Variants in ANKRD29 observed in about 807,000 individuals in gnomAD.
ANKRD29 encodes ankyrin repeat domain-containing protein 29.
Under a neutral mutation model 38.0 loss-of-function variants are expected in ANKRD29, and 32 were observed. That is an observed-to-expected ratio of 0.84 (90% CI 0.64 to 1.13). ANKRD29 has a LOEUF of 1.13. Ranked by LOEUF, ANKRD29 falls within the 50% of genes most tolerant of loss-of-function variation. The pLI, the probability that ANKRD29 is intolerant of heterozygous loss-of-function variation, is 0.00. For missense variants in ANKRD29, 357 were observed against 377.9 expected (o/e 0.94, Z 0.46); for synonymous variants, 135 against 152.4 (o/e 0.89, Z 0.84).
chr18:23,638,359 T>C (rs969057282), intron 4 of ANKRD29, among the ~76,000 whole-genome samples: 1 of 152,272 alleles, frequency 6.6e-6, no homozygotes, highest in Middle Eastern at 3.4e-3. Context: ...ACTGTAGCTA[T>C]GTATTATGTA....
At chr18:23,638,286 C>G (rs1400064978) in intron 4 of ANKRD29, among the ~76,000 whole-genome samples, 2 of 152,136 alleles carry the variant, frequency 1.3e-5, no homozygotes, top group Non-Finnish European at 2.9e-5. Flanking sequence ...AGGCATGAAC[C>G]ACCGCGCCTA....
chr18:23,613,045 A>G (rs567075339), intron 8 of ANKRD29, among the ~76,000 whole-genome samples: 2 of 152,262 alleles, frequency 1.3e-5, no homozygotes, highest in East Asian at 3.9e-4. Context: ...ATTCCCACAA[A>G]GTAGCATTTT....
At chr18:23,613,463 T>C (rs2059670434) in intron 8 of ANKRD29, among the ~76,000 whole-genome samples, 2 of 151,972 alleles carry the variant, frequency 1.3e-5, no homozygotes, top group Middle Eastern at 3.4e-3. Context: ...TGAGCCACCA[T>C]GCCTGACCAG....
At chr18:23,654,279 A>AAAAT (rs71163628) in intron 1 of ANKRD29, among the ~76,000 whole-genome samples, 7,583 of 136,530 alleles carry the variant, frequency 0.056, 259 homozygotes, top group Non-Finnish European at 0.06. Flanking sequence ...GCCTCCACAA[A>AAAAT]AAATAAATAA....
rs1413349661 is a variant in ANKRD29, at chr18:23,662,875, A to G, written c.-145T>C. 3 of 698,844 alleles carry G rather than the reference A, an allele frequency of 4.3e-6. No homozygotes were observed. The highest frequency in any genetic ancestry group is 5.4e-6 in the Non-Finnish European group (3 of 558,140). The allele number at this position is 698,844 out of a possible 1,614,324, so 43.3% of individuals were successfully genotyped here. A position where few individuals can be genotyped will look rare whatever the true frequency, so the allele number is the denominator to read the frequency against. On this transcript the variant is annotated 5_prime_UTR_variant, in exon 1 of 10. Transcript: ENST00000592179. ...CGCTCCCGCCGCCCGGCCCGGCAGC[A>G]GCCGCCGCACACAGGGCCGGGCCGA...
At chr18:23,654,811 A>G (rs565756212) in intron 1 of ANKRD29, among the ~76,000 whole-genome samples, 19 of 152,182 alleles carry the variant, frequency 1.2e-4, no homozygotes, top group South Asian at 8.3e-4. Flanking sequence ...ACTTCCAGAA[A>G]TTGTACAGGA....
intron 3 of ANKRD29, among the ~76,000 whole-genome samples, chr18:23,640,086 C>A (rs111604144): frequency 0.012 from 1,890 of 152,154 alleles, 23 homozygotes; most frequent in Middle Eastern, 0.058. Flanking sequence ...TATTTTACCA[C>A]AATAAAAAAC....
Position 23,634,375 on chromosome 18 carries a change from C to T in ANKRD29, c.331-226G>A, listed in dbSNP as rs190659401. Among the ~76,000 whole-genome samples the T allele has an allele frequency of 2.4e-4, 35 of 148,502 alleles. No homozygotes were observed. In the East Asian group the frequency reaches 5.2e-3, roughly 22 times the overall value. On this transcript the variant is annotated intron_variant, in intron 4 of 9. Transcript: ENST00000592179. ...TGCGATCTTGGCTCACTGCAATCTC[C>T]GCCTCCTGGGTTCAAGCGATTCTCT... is the stretch of plus-strand genomic sequence containing the variant.
intron 4 of ANKRD29, among the ~76,000 whole-genome samples, chr18:23,636,737 C>T (rs2060008077): frequency 6.7e-6 from 1 of 150,270 alleles, no homozygotes; most frequent in Non-Finnish European, 1.5e-5. Context: ...CCATGCCTGG[C>T]TAATTTTTGT....
At chr18:23,644,803 A>C (rs1401255929) in intron 3 of ANKRD29, among the ~76,000 whole-genome samples, 1 of 152,248 alleles carries the variant, frequency 6.6e-6, no homozygotes, top group Non-Finnish European at 1.5e-5. Context: ...TTCTGGGCTT[A>C]AACGAGCCTC....
At chr18:23,645,943 TGTGA>T (rs1274155417) in intron 3 of ANKRD29, among the ~76,000 whole-genome samples, 1 of 151,250 alleles carries the variant, frequency 6.6e-6, no homozygotes, top group Non-Finnish European at 1.5e-5. Flanking sequence ...AAAAAAAAAG[TGTGA>T]GTGTTTATAG....
chr18:23,662,747 G>C lies in ANKRD29; in HGVS notation c.-17C>G. On this transcript the variant is annotated 5_prime_UTR_variant, in exon 1 of 10. Transcript: ENST00000592179. Reference sequence around the variant, plus strand: ...CCTGCACATGTCCGCGGCCGCCCGAGCGGGAGCCGGCGCGCTTTGGGCCCG... The same window carrying C: ...CCTGCACATGTCCGCGGCCGCCCGACCGGGAGCCGGCGCGCTTTGGGCCCG... 6.8e-7 allele frequency: 1 copy of C among 1,461,540 alleles called. No homozygotes were observed. Among genetic ancestry groups the C allele is most frequent in the Non-Finnish European group, 9.0e-7 (1 of 1,110,490 alleles). The allele number at this position is 1,461,540 out of a possible 1,614,324, so 90.5% of individuals were successfully genotyped here.
intron 6 of ANKRD29, among the ~76,000 whole-genome samples, chr18:23,624,531 G>C (rs2059838735): frequency 7.7e-6 from 1 of 129,228 alleles, no homozygotes; most frequent in South Asian, 2.7e-4. Flanking sequence ...GAAGAAGAAT[G>C]AGATTCATGG....
intron 9 of ANKRD29, among the ~76,000 whole-genome samples, chr18:23,608,166 C>A (rs1006550801): frequency 8.5e-5 from 13 of 152,392 alleles, no homozygotes; most frequent in Admixed American, 4.6e-4. Context: ...AAAGCAGCAA[C>A]TGTGAATCTT....
Position 23,662,699 on chromosome 18 carries a change from C to G in ANKRD29, c.21+11G>C, listed in dbSNP as rs1209918937. On this transcript the variant is annotated intron_variant, in intron 1 of 9. Coordinates refer to ENST00000592179, the MANE Select transcript of ANKRD29 (RefSeq NM_173505.4). ...GGCCCCAGCCCTGACCCCGGAGTCC[C>G]GGTCGCTCACCTTGAAGGACATCCT... is the stretch of plus-strand genomic sequence containing the variant. 5 of 1,473,166 alleles carry G rather than the reference C, an allele frequency of 3.4e-6. No individual in the cohort carries two copies. Among genetic ancestry groups the G allele is most frequent in the Non-Finnish European group, 3.6e-6 (4 of 1,118,716 alleles). 91.3% of individuals were successfully genotyped at this position (1,473,166 alleles called of 1,614,324 possible). A position where few individuals can be genotyped will look rare whatever the true frequency, so the allele number is the denominator to read the frequency against.
intron 3 of ANKRD29, among the ~76,000 whole-genome samples, chr18:23,645,651 G>A (rs904661510): frequency 2.0e-5 from 3 of 152,192 alleles, no homozygotes; most frequent in Non-Finnish European, 4.4e-5. Context: ...AAACTCCCAA[G>A]ATTGTCCTTG....
At chr18:23,651,827 T>C (rs56109810) in intron 1 of ANKRD29, among the ~76,000 whole-genome samples, 3,371 of 152,322 alleles carry the variant, frequency 0.022, 122 homozygotes, top group African/African-American at 0.073. Context: ...TTCATTTTCC[T>C]TCAAGGGCTT....
chr18:23,618,231 C>T (rs557133404), intron 7 of ANKRD29, among the ~76,000 whole-genome samples: 1 of 152,344 alleles, frequency 6.6e-6, no homozygotes, highest in East Asian at 1.9e-4. Context: ...GCTGTATTTA[C>T]TGTTTCTAAA....
In ANKRD29 at chr18:23,601,085, C is replaced by T. The variant is rs1046788486; in HGVS notation, c.*141G>A. 1 of 720,258 alleles carries T rather than the reference C, an allele frequency of 1.4e-6. No individual in the cohort carries two copies. Among genetic ancestry groups the T allele is most frequent in the Non-Finnish European group, 2.3e-6 (1 of 439,616 alleles). 44.6% of individuals were successfully genotyped at this position (720,258 alleles called of 1,614,324 possible). ...TTGACTTCGTGCACAGAGCGTAGCTCTTCTTTGTCAGGGACCCACAGGATG... is the reference window on the plus strand; with the variant it reads ...TTGACTTCGTGCACAGAGCGTAGCTTTTCTTTGTCAGGGACCCACAGGATG... On this transcript the variant is annotated 3_prime_UTR_variant, in exon 10 of 10. Coordinates refer to ENST00000592179, the MANE Select transcript of ANKRD29 (RefSeq NM_173505.4).
Sources: allele counts gnomAD v4.1 joint callset (sites outside exome capture counted in the v4.1 genomes callset), GRCh38; gene constraint gnomAD v4.1.1; transcripts MANE v1.5; gene names NCBI Gene and HGNC (gene_info 2026-07-23, HGNC 2026-07-21).